The following FAM186A variants were observed in gnomAD, a reference collection of about 807,000 sequenced individuals.
FAM186A encodes the protein family with sequence similarity 186 member A, also known as protein FAM186A.
A neutral mutation model predicts 216.8 loss-of-function variants in FAM186A; 163 were observed. The ratio of observed to expected loss-of-function variants is 0.75; its 90% CI spans 0.66 to 0.86. FAM186A has a LOEUF of 0.86. FAM186A is among the 40% of genes least tolerant of loss of function. The pLI is 0.00. For synonymous variants in FAM186A, 805 were observed against 1,025.3 expected (o/e 0.79, Z 4.10); for missense variants, 2,184 against 2,746.2 (o/e 0.80, Z 4.58).
chr12:50,369,772 T>C (rs1199088669), intron 1 of FAM186A, among the ~76,000 whole-genome samples: 2 of 151,944 alleles, frequency 1.3e-5, no homozygotes, highest in African/African-American at 4.8e-5. Context: ...ACAGATCAGT[T>C]GAAGTCAGGA....
At chr12:50,388,039 T>A (rs768640568) in intron 1 of FAM186A, among the ~76,000 whole-genome samples, 6 of 152,188 alleles carry the variant, frequency 3.9e-5, no homozygotes, top group Non-Finnish European at 8.8e-5. Context: ...CCAAACCCTG[T>A]CCTTTGGGTT....
At chr12:50,362,826 C>T (rs1391294604) in intron 2 of FAM186A, among the ~76,000 whole-genome samples, 1 of 147,898 alleles carries the variant, frequency 6.8e-6, no homozygotes, top group Non-Finnish European at 1.5e-5. Context: ...GAGAACATCT[C>T]ATTTTAAAGT....
rs188115849 is a variant in FAM186A at position 50,388,311 on chromosome 12, C to T, written c.192+7982G>A. ...ATTTCACAATATCCCAATGGAATAA[C>T]AGGGTCAAGGTTTATCCTTTCAGCC... On this transcript the variant is annotated intron_variant, in intron 1 of 7. Transcript: ENST00000327337. Among the ~76,000 whole-genome samples the T allele has an allele frequency of 1.2e-4, 18 of 152,278 alleles. No individual in the cohort carries two copies. In the East Asian group the frequency reaches 3.3e-3, roughly 28 times the overall value.
Position 50,354,248 on chromosome 12 carries a change from C to T in FAM186A, c.2584G>A (p.Glu862Lys). The T allele has an allele frequency of 6.4e-7, 1 of 1,551,398 alleles. No individual in the cohort carries two copies. Among genetic ancestry groups the T allele is most frequent in the Non-Finnish European group, 8.7e-7 (1 of 1,146,924 alleles). Residue 862 changes from glutamate to lysine, a missense_variant, in exon 4 of 8, where the codon GAA (glutamate) becomes AAA (lysine). Around this residue, in one of 7 missense-constraint regions of FAM186A, gnomAD observed 1,132 missense variants for 1,263.4 expected, o/e 0.90. Transcript: ENST00000327337. ...EHYEKISENWEEKKAWLQMKE... is the reference protein window; with the variant it reads ...EHYEKISENWKEKKAWLQMKE... ...ATCTGGAGCCATGCCTTTTTTTCTT[C>T]CCAATTCTCACTTATCTTCTCATAG...
At position 50,371,954 on chromosome 12, in the gene FAM186A, AG is replaced by A. The variant is rs1348166754; in HGVS notation, c.193-8591del. Among the ~76,000 whole-genome samples the A allele has an allele frequency of 3.3e-5, 5 of 152,084 alleles. No individual in the cohort carries two copies. The East Asian group carries it at 9.7e-4, about 30-fold the overall frequency. On this transcript the variant is annotated intron_variant, in intron 1 of 7. Coordinates refer to ENST00000327337, the MANE Select transcript of FAM186A (RefSeq NM_001145475.3). ...CAGCCTCCCAAGTAGCTGGGATTAC[AG>A]GCATGCGCCACAATACCCAGTTAAT...
At chr12:50,384,087 C>T (rs1027069287) in intron 1 of FAM186A, among the ~76,000 whole-genome samples, 4 of 151,908 alleles carry the variant, frequency 2.6e-5, no homozygotes, top group East Asian at 1.9e-4. Flanking sequence ...CACTGCACTC[C>T]AACCTGGGCG....
chr12:50,366,986 C>T (rs570529288), intron 1 of FAM186A, among the ~76,000 whole-genome samples: 9 of 152,024 alleles, frequency 5.9e-5, no homozygotes, highest in Non-Finnish European at 1.3e-4. Context: ...TGCACTCCAG[C>T]CTTGGTGACA....
Position 50,331,683 on chromosome 12 carries a change from A to G in FAM186A, c.6835T>C (p.Cys2279Arg), listed in dbSNP as rs531889326. ...LMEEDRTSDI[C>R]KKFRQQEDQT... The stretch of plus-strand genomic sequence containing the variant: ...TCTAGCACATACCTAAATTTCTTGC[A>G]TATGTCAGAGGTTCTGTCCTCTTCC... The change falls in exon 6 of 8, where the codon TGC becomes CGC. Residue 2279 changes from cysteine to arginine, a missense_variant. Cys to Arg is a radical substitution (Grantham distance 180). Transcript: ENST00000327337. 7.7e-5 allele frequency: 119 copies of G among 1,541,154 alleles called. 2 individuals are homozygous for G. In the South Asian group the frequency reaches 1.2e-3, roughly 16 times the overall value.
At chr12:50,384,012 C>A (rs1007911950) in intron 1 of FAM186A, among the ~76,000 whole-genome samples, 2 of 151,704 alleles carry the variant, frequency 1.3e-5, no homozygotes, top group Admixed American at 1.3e-4. Flanking sequence ...CAGCTACTCA[C>A]GAGGCTGAGG....
intron 1 of FAM186A, chr12:50,365,788 C>T (rs1223449021): frequency 7.9e-6 from 6 of 756,004 alleles, no homozygotes; most frequent in Non-Finnish European, 1.5e-5. Context: ...AACATGTGAT[C>T]CGTGCCCATC....
chr12:50,364,640 G>A (rs1018764542), intron 1 of FAM186A, among the ~76,000 whole-genome samples: 3 of 151,910 alleles, frequency 2.0e-5, no homozygotes, highest in Non-Finnish European at 2.9e-5. Context: ...AGTGTCTCAC[G>A]CCTGTAATCC....
intron 1 of FAM186A, among the ~76,000 whole-genome samples, chr12:50,365,011 C>T (rs1943073933): frequency 7.9e-6 from 1 of 127,308 alleles, no homozygotes; most frequent in African/African-American, 3.0e-5. Context: ...GCACTCCAGC[C>T]TGGGCAACAA....
intron 1 of FAM186A, among the ~76,000 whole-genome samples, chr12:50,372,768 G>T (rs887904659): frequency 1.3e-5 from 2 of 151,078 alleles, no homozygotes; most frequent in African/African-American, 4.9e-5. Context: ...TGGGCATATT[G>T]GTGGGTGACT....
chr12:50,365,764 T>C (rs1047688017), intron 1 of FAM186A: 1 of 755,012 alleles, frequency 1.3e-6, no homozygotes, highest in Non-Finnish European at 2.4e-6. Flanking sequence ...TCCGAAGAGC[T>C]GAGACAGAAG....
In FAM186A at chr12:50,355,647, C is replaced by G. The variant is rs1268535412; in HGVS notation, c.1185G>C (p.Lys395Asn). The change falls in exon 4 of 8, where the codon AAG becomes AAC. Residue 395 changes from lysine to asparagine, a missense_variant. Lys to Asn is a moderately conservative substitution (Grantham distance 94). Around this residue, in one of 7 missense-constraint regions of FAM186A, gnomAD observed 1,132 missense variants for 1,263.4 expected, o/e 0.90. Coordinates refer to ENST00000327337, the MANE Select transcript of FAM186A (RefSeq NM_001145475.3). ...IVDEVQRKETKDSGIKWDSTI... is the reference protein window; with the variant it reads ...IVDEVQRKETNDSGIKWDSTI... The stretch of plus-strand genomic sequence containing the variant: ...TGGAGTCCCATTTTATCCCAGAGTC[C>G]TTGGTCTCTTTTCTTTGGACTTCAT... The G allele has an allele frequency of 6.4e-7, 1 of 1,551,018 alleles. No individual in the cohort carries two copies. The highest frequency in any genetic ancestry group is 2.4e-5 in the East Asian group (1 of 40,926).
intron 4 of FAM186A, among the ~76,000 whole-genome samples, chr12:50,347,143 A>G (rs1942828102): frequency 6.6e-6 from 1 of 152,164 alleles, no homozygotes; most frequent in Non-Finnish European, 1.5e-5. Context: ...TGCTCATACT[A>G]CGAATCCATC....
In FAM186A at chr12:50,355,193, A is replaced by T; in HGVS notation, c.1639T>A (p.Phe547Ile). ...GGAGATTCACGTTTGACCTTCCTAA[A>T]TTGCTCCAACATCATCATACTTGTT... is the stretch of plus-strand genomic sequence containing the variant. ...SGTSMMMLEQ[F>I]RKVKRESPFD... The change falls in exon 4 of 8, where the codon TTT becomes ATT. Residue 547 changes from phenylalanine (F) to isoleucine (I), a missense_variant. Transcript: ENST00000327337. 6.4e-7 allele frequency: 1 copy of T among 1,551,592 alleles called. No individual in the cohort carries two copies. Among genetic ancestry groups the T allele is most frequent in the Non-Finnish European group, 8.7e-7 (1 of 1,146,984 alleles).
intron 4 of FAM186A, among the ~76,000 whole-genome samples, chr12:50,343,683 A>G (rs886622519): frequency 1.3e-5 from 2 of 152,022 alleles, no homozygotes; most frequent in African/African-American, 4.8e-5. Flanking sequence ...CAGTGGTGCA[A>G]TCTCGGCTCA....
At chr12:50,392,281 TTG>T (rs1943364362) in intron 1 of FAM186A, 3 of 161,804 alleles carry the variant, frequency 1.9e-5, no homozygotes, top group Non-Finnish European at 3.6e-5. Context: ...GTTTGTTTGT[TTG>T]TTTGTTTGTT....
Sources: gnomAD v4.1 joint callset for allele counts (sites outside exome capture counted in the v4.1 genomes callset) on GRCh38, gnomAD v4.1.1 for gene constraint, gnomAD v4.1.1 regional missense constraint, MANE v1.5 for transcripts, NCBI Gene and HGNC (gene_info 2026-07-23, HGNC 2026-07-21) for gene names.